The following LMBRD1 variants were observed in gnomAD, a reference collection of about 807,000 sequenced individuals.
LMBRD1 encodes the protein LMBR1 domain containing 1.
In LMBRD1, 64 loss-of-function variants were observed where a neutral mutation model predicts 74.8. The ratio of observed to expected loss-of-function variants is 0.86; its 90% CI spans 0.70 to 1.05. LMBRD1 has a LOEUF of 1.05. Among genes scored for constraint, LMBRD1 ranks in the 50% least tolerant of loss-of-function variants. The probability of loss-of-function intolerance (pLI) is 0.00; values close to 1 mark genes in which losing one functional copy is unlikely to be tolerated. For synonymous variants in LMBRD1, 204 were observed against 216.3 expected (o/e 0.94, Z 0.50); for missense variants, 652 against 645.9 (o/e 1.01, Z -0.10).
chr6:69,761,491 T>C (rs182336797), intron 3 of LMBRD1, among the ~76,000 whole-genome samples: 12 of 152,308 alleles, frequency 7.9e-5, no homozygotes, highest in Non-Finnish European at 1.8e-4. Flanking sequence ...ATTACAACTC[T>C]AGAAAATCAA....
At chr6:69,728,744 C>T (rs1766790010) in intron 7 of LMBRD1, among the ~76,000 whole-genome samples, 1 of 152,156 alleles carries the variant, frequency 6.6e-6, no homozygotes, top group Non-Finnish European at 1.5e-5. Context: ...CACTCTAATA[C>T]CCAAGTCAAT....
chr6:69,716,515 G>A (rs544059983), intron 8 of LMBRD1, among the ~76,000 whole-genome samples: 1 of 152,022 alleles, frequency 6.6e-6, no homozygotes, highest in South Asian at 2.1e-4. Context: ...CTTTGAGGCT[G>A]ATAATAGTAT....
chr6:69,676,098 C>T lies in LMBRD1; in HGVS notation c.*60G>A. The T allele has an allele frequency of 7.3e-7, 1 of 1,375,478 alleles. No homozygotes were observed. Among genetic ancestry groups the T allele is most frequent in the Non-Finnish European group, 1.0e-6 (1 of 967,248 alleles). 85.2% of individuals were successfully genotyped at this position (1,375,478 alleles called of 1,614,324 possible). A position where few individuals can be genotyped will look rare whatever the true frequency, so the allele number is the denominator to read the frequency against. On this transcript the variant is annotated 3_prime_UTR_variant, in exon 16 of 16. Coordinates refer to ENST00000649934, the MANE Select transcript of LMBRD1 (RefSeq NM_018368.4). The stretch of plus-strand genomic sequence containing the variant: ...AGCAAATCCTAATGTTAGTTTAATA[C>T]TTTAAAAATGCATAACAGATATTCA...
At chr6:69,705,607 T>C (rs1391153813) in intron 9 of LMBRD1, 9 of 970,710 alleles carry the variant, frequency 9.3e-6, no homozygotes, top group Admixed American at 1.7e-5. Flanking sequence ...ACTGGTGATT[T>C]TTCTTCAGTT....
intron 3 of LMBRD1, among the ~76,000 whole-genome samples, chr6:69,759,481 C>A (rs1382857046): frequency 2.0e-5 from 3 of 149,820 alleles, no homozygotes; most frequent in African/African-American, 7.3e-5. Flanking sequence ...CAAAAAAAAA[C>A]CACCAAGATG....
chr6:69,735,143 C>T (rs1766947140), intron 7 of LMBRD1, among the ~76,000 whole-genome samples: 1 of 152,134 alleles, frequency 6.6e-6, no homozygotes, highest in African/African-American at 2.4e-5. Context: ...GCCACTTATT[C>T]TTAGTTCAGG....
chr6:69,729,488 C>T (rs1382876000), intron 7 of LMBRD1, among the ~76,000 whole-genome samples: 2 of 151,778 alleles, frequency 1.3e-5, no homozygotes, highest in Non-Finnish European at 2.9e-5. Flanking sequence ...TTTCCTCCTA[C>T]CTTTGTTTCA....
Position 69,719,084 on chromosome 6 carries a change from A to C in LMBRD1, c.637-3T>G. 1 of 1,611,864 alleles carries C rather than the reference A, an allele frequency of 6.2e-7. No homozygotes were observed. The highest frequency in any genetic ancestry group is 1.1e-5 in the South Asian group (1 of 91,016). On this transcript the variant is annotated splice_polypyrimidine_tract_variant and splice_region_variant and intron_variant, in intron 7 of 15. Transcript: ENST00000649934. ...GGTAACGCAGACATGCCATAGGCCT[A>C]AAAGAAAAACAATTGAAATGTTTTA...
At chr6:69,753,739 G>T (rs1765212534) in intron 3 of LMBRD1, among the ~76,000 whole-genome samples, 1 of 152,098 alleles carries the variant, frequency 6.6e-6, no homozygotes, top group African/African-American at 2.4e-5. Flanking sequence ...AGGAGATCGA[G>T]ACCATCCTGG....
chr6:69,753,598 G>C (rs1045563075), intron 3 of LMBRD1, among the ~76,000 whole-genome samples: 1 of 152,152 alleles, frequency 6.6e-6, no homozygotes, highest in African/African-American at 2.4e-5. Flanking sequence ...ATGCACACAA[G>C]AGTTGAAAAC....
At chr6:69,789,603 G>A (rs1430291445) in intron 2 of LMBRD1, among the ~76,000 whole-genome samples, 1 of 151,352 alleles carries the variant, frequency 6.6e-6, no homozygotes, top group Non-Finnish European at 1.5e-5. Context: ...CCCAATTCAG[G>A]AAGTTATTTT....
chr6:69,738,152 A>G, intron 6 of LMBRD1, 137 bp from the exon 7 acceptor site: 1 of 609,614 alleles, frequency 1.6e-6, no homozygotes, highest in Non-Finnish European at 2.9e-6. Flanking sequence ...GTATTCTTGA[A>G]GTGCTAACTC....
intron 9 of LMBRD1, 111 bp from the exon 10 acceptor site, chr6:69,702,064 A>G (rs1766144774): frequency 1.4e-6 from 1 of 700,156 alleles, no homozygotes; most frequent in African/African-American, 1.8e-5. Context: ...TCTAACAAAA[A>G]CAATCTAAGA....
chr6:69,748,045 T>C (rs936503287), intron 5 of LMBRD1, among the ~76,000 whole-genome samples: 14 of 152,232 alleles, frequency 9.2e-5, no homozygotes, highest in Admixed American at 9.2e-4. Flanking sequence ...TTTGTAGTTT[T>C]ATTGATGATT....
intron 5 of LMBRD1, chr6:69,745,970 C>T (rs1441641558): frequency 8.4e-6 from 2 of 237,140 alleles, no homozygotes; most frequent in Non-Finnish European, 1.7e-5. Context: ...GTTGCCATCA[C>T]TGACCCTTCA....
At chr6:69,779,528 T>G (rs970529687) in intron 3 of LMBRD1, among the ~76,000 whole-genome samples, 1 of 152,090 alleles carries the variant, frequency 6.6e-6, no homozygotes, top group African/African-American at 2.4e-5. Context: ...GAGAGTAAAG[T>G]TGATAGTACA....
chr6:69,722,834 G>C (rs1054053421), intron 7 of LMBRD1, among the ~76,000 whole-genome samples: 1 of 152,098 alleles, frequency 6.6e-6, no homozygotes, highest in Admixed American at 6.5e-5. Context: ...AAGTCCTTAC[G>C]TATCAGTAAC....
At chr6:69,745,425 A>AT (rs1767203058) in intron 5 of LMBRD1, among the ~76,000 whole-genome samples, 1 of 150,068 alleles carries the variant, frequency 6.7e-6, no homozygotes, top group Non-Finnish European at 1.5e-5. Context: ...TGCCCGGCTA[A>AT]TTTTTTGTAT....
Position 69,790,324 on chromosome 6 carries a change from T to C in LMBRD1, c.218A>G (p.Tyr73Cys). 6.2e-7 allele frequency: 1 copy of C among 1,612,914 alleles called. No homozygotes were observed. Among genetic ancestry groups the C allele is most frequent in the Non-Finnish European group, 8.5e-7 (1 of 1,179,014 alleles). Residue 73 changes from tyrosine (Y) to cysteine (C), a missense_variant, in exon 2 of 16, where the codon TAC becomes TGC. Around this residue, in one of 3 missense-constraint regions of LMBRD1, gnomAD observed 598 missense variants for 581.8 expected, o/e 1.03. Transcript: ENST00000649934. ...AAATGTACCATTTTGATTTTTCATGTAAGAAACCAAAAATATATCCACTGG... is the reference window on the plus strand; with the variant it reads ...AAATGTACCATTTTGATTTTTCATGCAAGAAACCAAAAATATATCCACTGG... ...LLPVDIFLVS[Y>C]MKNQNGTFKD...
Sources: allele counts gnomAD v4.1 joint callset (sites outside exome capture counted in the v4.1 genomes callset), GRCh38; gene constraint gnomAD v4.1.1; regional missense constraint gnomAD v4.1.1; transcripts MANE v1.5; gene names NCBI Gene and HGNC (gene_info 2026-07-23, HGNC 2026-07-21).